The following PFKFB4 variants were observed in gnomAD, a reference collection of about 807,000 sequenced individuals.
PFKFB4 encodes the protein 6-phosphofructo-2-kinase/fructose-2,6-bisphosphatase 4.
Under a neutral mutation model 62.8 loss-of-function variants are expected in PFKFB4, and 42 were observed. That is an observed-to-expected ratio of 0.67 (90% CI 0.52 to 0.86). The LOEUF is 0.86. Ranked by LOEUF, PFKFB4 falls within the 40% of genes least tolerant of loss-of-function variation. The pLI is 0.00. For missense variants in PFKFB4, 475 were observed against 627.2 expected (o/e 0.76, Z 2.59); for synonymous variants, 204 against 240.7 (o/e 0.85, Z 1.41).
At chr3:48,538,768 G>T in intron 6 of PFKFB4, 149 bp from the exon 7 acceptor site, 1 of 915,932 alleles carries the variant, frequency 1.1e-6, no homozygotes, top group Non-Finnish European at 1.6e-6. Flanking sequence ...GTGGGGGCTG[G>T]TCCAGCAGCT....
upstream of PFKFB4, chr3:48,557,155 G>A (rs893587708): frequency 7.0e-5 from 17 of 242,920 alleles, no homozygotes; most frequent in Non-Finnish European, 1.3e-4. Flanking sequence ...ATTTGCATAG[G>A]CCCCACCTAC....
At chr3:48,561,199 C>CCACTCTGAAGAGAG, upstream of PFKFB4, 1 of 692,244 alleles carries the variant, frequency 1.4e-6, no homozygotes, top group Non-Finnish European at 2.0e-6. This position sits in a 1 kb window ranked among gnomAD's most constrained non-coding sequence, Gnocchi z 5.2. Context: ...GAGAGAGAAG[C>CCACTCTGAAGAGAG]GACTCCTGCG....
Position 48,550,251 on chromosome 3 carries a change from A to G in PFKFB4, c.98-17T>C. On this transcript the variant is annotated splice_polypyrimidine_tract_variant and intron_variant, in intron 1 of 13. Transcript: ENST00000232375. The stretch of plus-strand genomic sequence containing the variant: ...TCATGCACACTAAAAGGCAAGCAGC[A>G]CAGTGTCAGATGAGGGCTGGGACCC... 4 of 1,548,406 alleles carry G rather than the reference A, an allele frequency of 2.6e-6. No individual in the cohort carries two copies. Among genetic ancestry groups the G allele is most frequent in the Non-Finnish European group, 3.6e-6 (4 of 1,120,184 alleles).
At chr3:48,543,261 C>G (rs2042851483) in intron 4 of PFKFB4, among the ~76,000 whole-genome samples, 1 of 152,202 alleles carries the variant, frequency 6.6e-6, no homozygotes, top group South Asian at 2.1e-4. Flanking sequence ...CTCCCCACAC[C>G]AGGAGAAATC....
Position 48,546,119 on chromosome 3 carries a change from G to A in PFKFB4, c.312-2473C>T, listed in dbSNP as rs555162103. Among the ~76,000 whole-genome samples the A allele has an allele frequency of 5.9e-5, 9 of 152,278 alleles. No individual in the cohort carries two copies. The East Asian group carries it at 1.7e-3, about 29-fold the overall frequency. On this transcript the variant is annotated intron_variant, in intron 3 of 13. Coordinates refer to ENST00000232375, the MANE Select transcript of PFKFB4 (RefSeq NM_004567.4). ...GGTTATGTGTGTGTTGTGCCCAAGT[G>A]TGTACATGTAAATCTGTGAGTGTAC...
intron 13 of PFKFB4, among the ~76,000 whole-genome samples, chr3:48,520,058 G>A (rs1220159253): frequency 1.3e-5 from 2 of 152,192 alleles, no homozygotes; most frequent in Non-Finnish European, 2.9e-5. Context: ...CTGCAGCCAG[G>A]TCAGGCAATA....
intron 10 of PFKFB4, 103 bp downstream of exon 10, chr3:48,525,462 T>C: frequency 1.7e-6 from 1 of 583,174 alleles, no homozygotes; most frequent in Non-Finnish European, 3.0e-6. Flanking sequence ...AGGCCCCTTC[T>C]GCTACCCACG....
In PFKFB4 at chr3:48,537,484, G is replaced by C. The variant is rs560462867; in HGVS notation, c.632+1014C>G. ...GCACACCCCAAAAGCATTCATCTCA[G>C]AGTTGCTTGTGTTTCTTGGTTCATG... On this transcript the variant is annotated intron_variant, in intron 7 of 13. Coordinates refer to ENST00000232375, the MANE Select transcript of PFKFB4 (RefSeq NM_004567.4). Among the ~76,000 whole-genome samples the C allele has an allele frequency of 1.1e-4, 17 of 148,202 alleles. No individual in the cohort carries two copies. The South Asian group carries it at 3.5e-3, about 31-fold the overall frequency.
chr3:48,550,107 C>A lies in PFKFB4; in HGVS notation c.214+11G>T. 1.3e-6 allele frequency: 2 copies of A among 1,584,108 alleles called. No homozygotes were observed. Among genetic ancestry groups the A allele is most frequent in the South Asian group, 2.2e-5 (2 of 90,434 alleles). On this transcript the variant is annotated intron_variant, in intron 2 of 13. Transcript: ENST00000232375. ...CAAAGCTCCCCTTAGACAGCTGGGG[C>A]CAAGCCTCACCCCGAGTGGGCACAC...
In PFKFB4 at chr3:48,519,212, C is replaced by T. The variant is rs75597486; in HGVS notation, c.*535G>A. ...ATCTGCTGTGGTTGGGGCTCTAGTTCCTGGTGGGTAAGGATGGGAAGGGCT... is the reference window on the plus strand; with the variant it reads ...ATCTGCTGTGGTTGGGGCTCTAGTTTCTGGTGGGTAAGGATGGGAAGGGCT... On this transcript the variant is annotated 3_prime_UTR_variant, in exon 14 of 14. Coordinates refer to ENST00000232375, the MANE Select transcript of PFKFB4 (RefSeq NM_004567.4). 2,738 of 152,678 alleles carry T rather than the reference C, an allele frequency of 0.018. 88 individuals carry two copies. The highest frequency in any genetic ancestry group is 0.062 in the African/African-American group (2,574 of 41,524). 9.5% of individuals were successfully genotyped at this position (152,678 alleles called of 1,614,324 possible). A position where few individuals can be genotyped will look rare whatever the true frequency, so the allele number is the denominator to read the frequency against.
upstream of PFKFB4, chr3:48,562,866 GTAA>G (rs2043456901): frequency 1.3e-6 from 2 of 1,596,312 alleles, no homozygotes; most frequent in African/African-American, 2.7e-5. The surrounding 1 kb of genome is among the most constrained non-coding windows in gnomAD (Gnocchi z 4.3). Context: ...GCTTGCTCCA[GTAA>G]GATCTGCAAG....
rs774183703 is a variant in PFKFB4 at position 48,522,066 on chromosome 3, T to C, written c.1286-16A>G. 1.9e-6 allele frequency: 3 copies of C among 1,613,060 alleles called. No homozygotes were observed. Among genetic ancestry groups the C allele is most frequent in the African/African-American group, 1.3e-5 (1 of 75,048 alleles). On this transcript the variant is annotated splice_polypyrimidine_tract_variant and intron_variant, in intron 12 of 13. Transcript: ENST00000232375. ...ACTTTACAACCTGCCAAAGGGAAGA[T>C]GCAAATCCATCCCCACTCCTGAAAG...
chr3:48,529,296 T>C (rs1285365893), intron 9 of PFKFB4, among the ~76,000 whole-genome samples: 1 of 152,078 alleles, frequency 6.6e-6, no homozygotes. Flanking sequence ...AGGCAATAAA[T>C]TGTGGATTAA....
At chr3:48,562,712 C>G, upstream of PFKFB4, 3 of 1,373,390 alleles carry the variant, frequency 2.2e-6, no homozygotes, top group Non-Finnish European at 2.9e-6. This position sits in a 1 kb window ranked among gnomAD's most constrained non-coding sequence, Gnocchi z 4.3. Flanking sequence ...TGGCAGCATC[C>G]GTCCAGCTGT....
chr3:48,543,487 T>C, intron 4 of PFKFB4, 93 bp downstream of exon 4: 5 of 1,195,274 alleles, frequency 4.2e-6, no homozygotes, highest in Admixed American at 4.0e-5. Flanking sequence ...ACACACACCC[T>C]GCCTTCCCCT....
upstream of PFKFB4, among the ~76,000 whole-genome samples, chr3:48,557,321 G>A (rs1298447702): frequency 6.6e-6 from 1 of 152,180 alleles, no homozygotes; most frequent in Non-Finnish European, 1.5e-5. Context: ...AGCCGACAGG[G>A]GCCAGTAGGC....
rs538016215 is a variant in PFKFB4, at chr3:48,521,839, C to G, written c.1350+147G>C. 1.3e-4 allele frequency: 91 copies of G among 715,890 alleles called. 1 individual carries two copies. The South Asian group carries it at 1.5e-3, about 12-fold the overall frequency. 44.3% of individuals were successfully genotyped at this position (715,890 alleles called of 1,614,324 possible). A position where few individuals can be genotyped will look rare whatever the true frequency, so the allele number is the denominator to read the frequency against. On this transcript the variant is annotated intron_variant, in intron 13 of 13. Transcript: ENST00000232375. This position sits in a 1 kb window ranked among gnomAD's most constrained non-coding sequence, Gnocchi z 5.3. ...CAGGCCCCACCCAGAGCCAGGGCCC[C>G]GCCCTGCTGATGGGACAACAGTCTT...
At position 48,529,485 on chromosome 3, in the gene PFKFB4, G is replaced by C. The variant is rs562061881; in HGVS notation, c.988-3816C>G. 1.5e-4 allele frequency among the ~76,000 whole-genome samples: 23 copies of C among 152,238 alleles called. No homozygotes were observed. In the East Asian group the frequency reaches 4.4e-3, roughly 29 times the overall value. On this transcript the variant is annotated intron_variant, in intron 9 of 13. Transcript: ENST00000232375. The stretch of plus-strand genomic sequence containing the variant: ...AGATTAACTTCAAAGGAAAAAAACT[G>C]GGGTGGCTGCAGGCTTCTCTGCAAA...
chr3:48,523,693 G>A lies in PFKFB4; in HGVS notation c.1222+8C>T. The A allele has an allele frequency of 6.2e-7, 1 of 1,614,106 alleles. No individual in the cohort carries two copies. Among genetic ancestry groups the A allele is most frequent in the South Asian group, 1.1e-5 (1 of 91,082 alleles). On this transcript the variant is annotated splice_region_variant and intron_variant, in intron 11 of 13. Coordinates refer to ENST00000232375, the MANE Select transcript of PFKFB4 (RefSeq NM_004567.4). ...ACCTTCCCACCTCCCCCGGGGCACA[G>A]CCCACACCTGCTGCCTTGTCGAGGA...
Sources: gnomAD v4.1 joint callset for allele counts (sites outside exome capture counted in the v4.1 genomes callset) on GRCh38, gnomAD v4.1.1 for gene constraint, Gnocchi (gnomAD v3.1) non-coding constraint, MANE v1.5 for transcripts, NCBI Gene and HGNC (gene_info 2026-07-23, HGNC 2026-07-21) for gene names.